RFX1: variants seen among roughly 807,000 people sequenced by gnomAD.
The protein encoded by RFX1 is regulatory factor X1.
A neutral mutation model predicts 119.6 loss-of-function variants in RFX1; 42 were observed. The ratio of observed to expected loss-of-function variants is 0.35; its 90% CI spans 0.27 to 0.45. RFX1 has a LOEUF of 0.45. Ranked by LOEUF, RFX1 falls within the 20% of genes least tolerant of loss-of-function variation. The pLI is 1.00. For synonymous variants in RFX1, 628 were observed against 618.5 expected, an observed-to-expected ratio of 1.02 and a Z score of -0.23; for missense variants, 1,118 against 1,368.1, an observed-to-expected ratio of 0.82 and a Z score of 2.88.
rs1410184602 is a variant in RFX1, at chr19:13,968,924, G to T, written c.1497-30C>A. ...GAGGGAGGTGGAGGGGAAGGGCTGG[G>T]CTGGGGGTCTGCCGGCTGGCCGGCC... On this transcript the variant is annotated intron_variant, in intron 10 of 20. Transcript: ENST00000254325. The surrounding 1 kb of genome is among the most constrained non-coding windows in gnomAD (Gnocchi z 5.5). 6.5e-7 allele frequency: 1 copy of T among 1,542,130 alleles called. No homozygotes were observed.
Position 13,962,866 on chromosome 19 carries a change from T to A in RFX1, c.2771-2A>T. The A allele has an allele frequency of 6.5e-7, 1 of 1,530,542 alleles. No individual in the cohort carries two copies. The highest frequency in any genetic ancestry group is 8.8e-7 in the Non-Finnish European group (1 of 1,138,674). 94.8% of individuals were successfully genotyped at this position (1,530,542 alleles called of 1,614,324 possible). ...CCTCCTCCTCTTCTTCCTCCTCGTC[T>A]GGAACACAGGGACCAAGTCCGGCTC... is the stretch of plus-strand genomic sequence containing the variant. On this transcript the variant is annotated splice_acceptor_variant, in intron 20 of 20. Coordinates refer to ENST00000254325, the MANE Select transcript of RFX1 (RefSeq NM_002918.5). LOFTEE classifies it high-confidence loss of function.
rs539465254 is a variant in RFX1, at chr19:13,994,810, G to GTA, written c.-52-917_-52-916dup. Among the ~76,000 whole-genome samples, 413 of 125,066 alleles carry GTA rather than the reference G, an allele frequency of 3.3e-3. 2 individuals carry two copies. Among genetic ancestry groups the GTA allele is most frequent in the African/African-American group, 0.012 (384 of 33,162 alleles). The allele number at this position is 125,066 out of a possible 152,430, so 82.0% of individuals were successfully genotyped here. A position where few individuals can be genotyped will look rare whatever the true frequency, so the allele number is the denominator to read the frequency against. On this transcript the variant is annotated intron_variant, in intron 1 of 20. Coordinates refer to ENST00000254325, the MANE Select transcript of RFX1 (RefSeq NM_002918.5). Reference sequence around the variant, plus strand: ...ACATGTACATATATATACATATATAGTATATATATACACACACATATACAC... The same window carrying GTA: ...ACATGTACATATATATACATATATAGTATATATATATACACACACATATACAC...
At chr19:13,979,105 G>A (rs1276502042) in intron 7 of RFX1, among the ~76,000 whole-genome samples, 1 of 151,976 alleles carries the variant, frequency 6.6e-6, no homozygotes, top group East Asian at 1.9e-4. Context: ...AGACACTGGG[G>A]GGTCAACGGG....
chr19:13,966,599 C>T lies in RFX1; in HGVS notation c.1851+34G>A. The T allele has an allele frequency of 6.4e-7, 1 of 1,551,520 alleles. No individual in the cohort carries two copies. On this transcript the variant is annotated intron_variant, in intron 13 of 20. Transcript: ENST00000254325. This position sits in a 1 kb window ranked among gnomAD's most constrained non-coding sequence, Gnocchi z 6.3. ...GCCCTCCCATGCCCGTGGCTGCGTC[C>T]CCGTCCACTTGCCTGCCCACCTGGC...
In RFX1 at chr19:13,985,362, A is replaced by G. The variant is rs1974559211; in HGVS notation, c.320-1767T>C. On this transcript the variant is annotated intron_variant, in intron 2 of 20. Coordinates refer to ENST00000254325, the MANE Select transcript of RFX1 (RefSeq NM_002918.5). This position sits in a 1 kb window ranked among gnomAD's most constrained non-coding sequence, Gnocchi z 4.3. ...CAGCTAATTTTTGTGGTTTTAGTAG[A>G]GACGGGGTTTTGCCATGTTGGCCAG... Among the ~76,000 whole-genome samples the G allele has an allele frequency of 6.6e-6, 1 of 152,068 alleles. No homozygotes were observed. Among genetic ancestry groups the G allele is most frequent in the African/African-American group, 2.4e-5 (1 of 41,390 alleles).
chr19:13,987,206 G>A (rs2145604547), intron 2 of RFX1, among the ~76,000 whole-genome samples: 1 of 152,236 alleles, frequency 6.6e-6, no homozygotes, highest in Middle Eastern at 3.4e-3. Context: ...GGCTGCCAGA[G>A]CCCACAGCAC....
intron 1 of RFX1, among the ~76,000 whole-genome samples, chr19:14,002,803 G>A (rs1975260135): frequency 2.0e-5 from 3 of 152,292 alleles, no homozygotes; most frequent in South Asian, 2.1e-4. Flanking sequence ...CTCTGCGGGC[G>A]GGGCAGCCTG....
Position 13,980,731 on chromosome 19 carries a change from T to TGCATCCTCTCTGGGGTGGGCTG in RFX1, c.622-43_622-42insCAGCCCACCCCAGAGAGGATGC. On this transcript the variant is annotated intron_variant, in intron 5 of 20. Coordinates refer to ENST00000254325, the MANE Select transcript of RFX1 (RefSeq NM_002918.5). This position sits in a 1 kb window ranked among gnomAD's most constrained non-coding sequence, Gnocchi z 5.1. ...CACAGGAGTGCCGCTGGGGTGGGCT[T>TGCATCCTCTCTGGGGTGGGCTG]GCATCCTCTCTGAGGTGGGCTCACA... 8.3e-7 allele frequency: 1 copy of TGCATCCTCTCTGGGGTGGGCTG among 1,201,554 alleles called. No homozygotes were observed. The highest frequency in any genetic ancestry group is 1.2e-6 in the Non-Finnish European group (1 of 842,378). The allele number at this position is 1,201,554 out of a possible 1,614,324, so 74.4% of individuals were successfully genotyped here.
intron 2 of RFX1, among the ~76,000 whole-genome samples, chr19:13,992,478 C>G (rs1189229592): frequency 6.6e-6 from 1 of 152,168 alleles, no homozygotes; most frequent in Admixed American, 6.5e-5. Context: ...TCCTGCGTGC[C>G]TTAGCTTATG....
chr19:13,971,257 C>T (rs533381897), intron 9 of RFX1, among the ~76,000 whole-genome samples: 1 of 151,704 alleles, frequency 6.6e-6, no homozygotes, highest in Non-Finnish European at 1.5e-5. Context: ...TTGCTTGAAC[C>T]TGGGAGGTGG....
At position 13,978,270 on chromosome 19, in the gene RFX1, CAGG is replaced by C. The variant is rs545880861; in HGVS notation, c.835-187_835-185del. 8.3e-4 allele frequency among the ~76,000 whole-genome samples: 127 copies of C among 152,316 alleles called. 1 individual carries two copies. The highest frequency in any genetic ancestry group is 2.8e-3 in the African/African-American group (117 of 41,572). On this transcript the variant is annotated intron_variant, in intron 7 of 20. Transcript: ENST00000254325. ...GGCTGGGAATCAGGAAGAGCTGTGT[CAGG>C]AGAAGCCAGGACTCTCGGCTTCGGC...
chr19:14,000,706 G>A (rs1975189063), intron 1 of RFX1, among the ~76,000 whole-genome samples: 1 of 150,216 alleles, frequency 6.7e-6, no homozygotes. Context: ...GCTGGGGTGG[G>A]AGAATCACTT....
intron 1 of RFX1, 22 bp from the exon 2 acceptor site, chr19:13,993,917 G>T (rs1974900042): frequency 1.6e-6 from 2 of 1,231,416 alleles, no homozygotes; most frequent in Non-Finnish European, 2.3e-6. Context: ...AGACGGGGAT[G>T]GGGGAGAGAA....
chr19:13,962,673 G>A lies in RFX1; in HGVS notation c.*22C>T. On this transcript the variant is annotated 3_prime_UTR_variant, in exon 21 of 21. Transcript: ENST00000254325. The stretch of plus-strand genomic sequence containing the variant: ...TGGCGTGGAGGGGTGGCGGGGGCGG[G>A]TGGGGCGGGGAGGCCAAGGGCTTAG... 1 of 1,501,728 alleles carries A rather than the reference G, an allele frequency of 6.7e-7. No homozygotes were observed. Among genetic ancestry groups the A allele is most frequent in the Non-Finnish European group, 8.8e-7 (1 of 1,130,424 alleles). 93.0% of individuals were successfully genotyped at this position (1,501,728 alleles called of 1,614,324 possible). A position where few individuals can be genotyped will look rare whatever the true frequency, so the allele number is the denominator to read the frequency against.
At chr19:13,998,123 T>C (rs2145635565) in intron 1 of RFX1, 1 of 152,296 alleles carries the variant, frequency 6.6e-6, no homozygotes. Flanking sequence ...CCAACCTTCT[T>C]CTGGGCCTCA....
Position 13,969,660 on chromosome 19 carries a change from CAA to C in RFX1, c.1496+332_1496+333del, listed in dbSNP as rs752441047. The stretch of plus-strand genomic sequence containing the variant: ...GGCCACAGAGTGAGACTCTTGTCTC[CAA>C]AAAAAAAAAAAAGTCACGTGTGAGC... On this transcript the variant is annotated intron_variant, in intron 10 of 20. Coordinates refer to ENST00000254325, the MANE Select transcript of RFX1 (RefSeq NM_002918.5). The surrounding 1 kb of genome is among the most constrained non-coding windows in gnomAD (Gnocchi z 4.5). 8.0e-3 allele frequency: 1,173 copies of C among 147,008 alleles called. No individual in the cohort carries two copies. Among genetic ancestry groups the C allele is most frequent in the Middle Eastern group, 0.021 (9 of 426 alleles). The allele number at this position is 147,008 out of a possible 1,614,324, so 9.1% of individuals were successfully genotyped here. A position where few individuals can be genotyped will look rare whatever the true frequency, so the allele number is the denominator to read the frequency against.
chr19:13,976,238 C>T (rs1974250299), intron 8 of RFX1, among the ~76,000 whole-genome samples: 1 of 152,232 alleles, frequency 6.6e-6, no homozygotes, highest in Non-Finnish European at 1.5e-5. Context: ...CATCATGACC[C>T]TAGGACTAAG....
intron 1 of RFX1, among the ~76,000 whole-genome samples, chr19:13,997,051 G>A (rs1374070108): frequency 6.7e-6 from 1 of 149,936 alleles, no homozygotes; most frequent in Non-Finnish European, 1.5e-5. Context: ...GTAAGTACAC[G>A]GCATCTTGCC....
intron 8 of RFX1, among the ~76,000 whole-genome samples, chr19:13,977,360 C>G (rs1263853826): frequency 1.3e-5 from 2 of 151,342 alleles, no homozygotes; most frequent in African/African-American, 4.8e-5. Context: ...TAGAGTATCT[C>G]TGGAAAGAAA....
Sources: allele counts gnomAD v4.1 joint callset (sites outside exome capture counted in the v4.1 genomes callset), GRCh38; gene constraint gnomAD v4.1.1; non-coding constraint Gnocchi (gnomAD v3.1); transcripts MANE v1.5; gene names NCBI Gene and HGNC (gene_info 2026-07-23, HGNC 2026-07-21).